The following RBFOX1 variants were observed in gnomAD, a reference collection of about 807,000 sequenced individuals.
RBFOX1 encodes RNA binding fox-1 homolog 1.
RBFOX1 carries 8 observed loss-of-function variants against 57.7 expected under a neutral mutation model. The observed-to-expected ratio is 0.14, with a 90% CI of 0.08 to 0.25. The LOEUF is 0.25. Ranked by LOEUF, RBFOX1 falls within the 10% of genes least tolerant of loss-of-function variation. RBFOX1 has a pLI of 1.00. For missense variants in RBFOX1, 611 were observed against 548.5 expected (o/e 1.11, Z -1.14); for synonymous variants, 326 against 222.4 (o/e 1.47, Z -4.15).
intron 1 of RBFOX1, among the ~76,000 whole-genome samples, chr16:5,344,986 G>A (rs141989025): frequency 3.9e-5 from 6 of 152,288 alleles, no homozygotes; most frequent in Middle Eastern, 6.8e-3. Context: ...TTTTGCAAAT[G>A]CCTGTTCACC....
chr16:5,239,800 C>G, upstream of RBFOX1: 1 of 717,478 alleles, frequency 1.4e-6, no homozygotes, highest in Non-Finnish European at 2.3e-6. Context: ...ACCCACCGAG[C>G]CCGCGCTCAG....
chr16:6,651,626 C>T (rs62017867), intron 2 of RBFOX1, among the ~76,000 whole-genome samples: 60,506 of 152,008 alleles, frequency 0.4, 13,158 homozygotes, highest in South Asian at 0.52. Flanking sequence ...AAATGGTGCA[C>T]CTGCTGTGGA....
chr16:5,405,063 C>T (rs1433867452), intron 1 of RBFOX1, among the ~76,000 whole-genome samples: 1 of 152,300 alleles, frequency 6.6e-6, no homozygotes, highest in South Asian at 2.1e-4. Context: ...GATGTGGAAT[C>T]TGTGCAAAGA....
intron 3 of RBFOX1, among the ~76,000 whole-genome samples, chr16:6,935,841 G>A (rs1237050513): frequency 6.6e-6 from 1 of 152,152 alleles, no homozygotes; most frequent in Non-Finnish European, 1.5e-5. Context: ...CCGGGGCCAG[G>A]ATACCTGTGG....
At chr16:5,664,779 C>G (rs74743250) in intron 3 of RBFOX1, among the ~76,000 whole-genome samples, 27,714 of 152,000 alleles carry the variant, frequency 0.18, 2,880 homozygotes, top group East Asian at 0.32. Flanking sequence ...TTCCTGGGAT[C>G]CATGGAGAGG....
chr16:5,255,199 C>G (rs1431791697), intron 1 of RBFOX1, among the ~76,000 whole-genome samples: 1 of 152,088 alleles, frequency 6.6e-6, no homozygotes, highest in Non-Finnish European at 1.5e-5. Context: ...CAGAGGCAAG[C>G]CCCCTTGCCC....
chr16:5,697,628 G>A (rs561911498), intron 3 of RBFOX1, among the ~76,000 whole-genome samples: 1 of 149,552 alleles, frequency 6.7e-6, no homozygotes, highest in East Asian at 2.0e-4. Context: ...CTGCTTCCCA[G>A]GTTCAAGCGA....
At chr16:6,389,145 G>C (rs1471261306) in intron 2 of RBFOX1, among the ~76,000 whole-genome samples, 1 of 152,196 alleles carries the variant, frequency 6.6e-6, no homozygotes, top group Non-Finnish European at 1.5e-5. Flanking sequence ...AGTACGTTCA[G>C]TTCATGAGGA....
chr16:5,709,497 A>C (rs761695944), intron 3 of RBFOX1, among the ~76,000 whole-genome samples: 2 of 151,906 alleles, frequency 1.3e-5, no homozygotes, highest in African/African-American at 4.8e-5. Flanking sequence ...TCCTAGGGTA[A>C]GTCTTCAGCA....
chr16:5,549,628 T>C (rs1256027487), intron 2 of RBFOX1, among the ~76,000 whole-genome samples: 6 of 152,148 alleles, frequency 3.9e-5, no homozygotes, highest in South Asian at 2.1e-4. Context: ...AAAAATTGGG[T>C]TGGGGCACAG....
intron 3 of RBFOX1, among the ~76,000 whole-genome samples, chr16:6,662,473 T>C (rs867172928): frequency 6.6e-6 from 1 of 152,308 alleles, no homozygotes; most frequent in Middle Eastern, 3.4e-3. Context: ...GGAACACATT[T>C]TCCTGCAGGC....
At chr16:7,007,366 G>C (rs536187467) in intron 3 of RBFOX1, among the ~76,000 whole-genome samples, 1 of 152,154 alleles carries the variant, frequency 6.6e-6, no homozygotes, top group African/African-American at 2.4e-5. Context: ...CATTGCAGCT[G>C]GAGAAAGTCT....
At chr16:7,240,512 C>T (rs2346615) in intron 4 of RBFOX1, among the ~76,000 whole-genome samples, 1 of 151,956 alleles carries the variant, frequency 6.6e-6, no homozygotes, top group African/African-American at 2.4e-5. Flanking sequence ...ATTTCTGTTT[C>T]TAAATACTGG....
intron 1 of RBFOX1, among the ~76,000 whole-genome samples, chr16:5,300,496 A>C (rs1225347050): frequency 2.0e-5 from 3 of 152,194 alleles, no homozygotes; most frequent in African/African-American, 7.2e-5. Context: ...CCCATTCCCC[A>C]AAAACCAGCT....
At chr16:7,278,645 T>G (rs945722313) in intron 4 of RBFOX1, among the ~76,000 whole-genome samples, 1 of 152,244 alleles carries the variant, frequency 6.6e-6, no homozygotes, top group African/African-American at 2.4e-5. Flanking sequence ...TTTTTGCAAG[T>G]CTGCAATTCA....
chr16:6,252,267 A>C (rs2097621424), intron 1 of RBFOX1, among the ~76,000 whole-genome samples: 1 of 152,260 alleles, frequency 6.6e-6, no homozygotes, highest in South Asian at 2.1e-4. Flanking sequence ...CCTGAAAAGA[A>C]GAAAGGTAAA....
chr16:5,832,000 C>T (rs537301182), intron 3 of RBFOX1, among the ~76,000 whole-genome samples: 24 of 152,182 alleles, frequency 1.6e-4, no homozygotes, highest in African/African-American at 5.5e-4. Flanking sequence ...GCACTTTCAT[C>T]CTAGAGGGAA....
chr16:7,339,018 A>G (rs1414844346), intron 4 of RBFOX1, among the ~76,000 whole-genome samples: 2 of 152,192 alleles, frequency 1.3e-5, no homozygotes, highest in African/African-American at 2.4e-5. Flanking sequence ...CTGTACTGCC[A>G]AAGAGGCCAT....
At chr16:6,402,404 C>G (rs1303029976) in intron 2 of RBFOX1, among the ~76,000 whole-genome samples, 2 of 152,128 alleles carry the variant, frequency 1.3e-5, no homozygotes, top group African/African-American at 4.8e-5. Flanking sequence ...TAAAAATGAA[C>G]AAACACATTT....
Sources: allele counts gnomAD v4.1 joint callset (sites outside exome capture counted in the v4.1 genomes callset), GRCh38; gene constraint gnomAD v4.1.1; transcripts MANE v1.5; gene names NCBI Gene and HGNC (gene_info 2026-07-23, HGNC 2026-07-21).